Variants in PTAFR observed in about 807,000 individuals in gnomAD.
The protein encoded by PTAFR is platelet-activating factor receptor.
In PTAFR, 8 loss-of-function variants were observed where a neutral mutation model predicts 14.7. The observed-to-expected ratio is 0.54, with a 90% CI of 0.32 to 0.98. The LOEUF (loss-of-function observed/expected upper bound fraction) is 0.98. Among genes scored for constraint, PTAFR ranks in the 50% least tolerant of loss-of-function variants. PTAFR has a pLI of 0.04. For synonymous variants in PTAFR, 156 were observed against 176.5 expected (o/e 0.88, Z 0.92); for missense variants, 337 against 451.2 (o/e 0.75, Z 2.29).
At chr1:28,179,669 TAAAA>T (rs1553166024), upstream of PTAFR, among the ~76,000 whole-genome samples, 1 of 150,990 alleles carries the variant, frequency 6.6e-6, no homozygotes, top group Non-Finnish European at 1.5e-5. Context: ...TAATAATAAT[TAAAA>T]AAAGAGCCAG....
At chr1:28,174,160 G>C (rs746061160) in intron 1 of PTAFR, among the ~76,000 whole-genome samples, 3 of 152,110 alleles carry the variant, frequency 2.0e-5, no homozygotes, top group Non-Finnish European at 2.9e-5. Flanking sequence ...TCAGAGAGGG[G>C]GCTGCAGCAG....
At chr1:28,151,287 C>T (rs541959625) in intron 1 of PTAFR, among the ~76,000 whole-genome samples, 11 of 152,022 alleles carry the variant, frequency 7.2e-5, no homozygotes, top group Admixed American at 3.9e-4. Flanking sequence ...TCAAGCGATT[C>T]TCCTGCCTCA....
intron 1 of PTAFR, among the ~76,000 whole-genome samples, chr1:28,172,072 A>G (rs1214982774): frequency 1.3e-5 from 2 of 151,980 alleles, no homozygotes; most frequent in East Asian, 1.9e-4. Context: ...CTGGAGTGCA[A>G]TGATGCAATC....
At chr1:28,182,149 A>G (rs1400549450) in intron 1 of PTAFR, among the ~76,000 whole-genome samples, 2 of 151,898 alleles carry the variant, frequency 1.3e-5, no homozygotes, top group Non-Finnish European at 2.9e-5. Flanking sequence ...CAGCCTGGCC[A>G]ACATGGTGAA....
chr1:28,188,248 C>G (rs1646622478), intron 1 of PTAFR, among the ~76,000 whole-genome samples: 1 of 152,292 alleles, frequency 6.6e-6, no homozygotes. Context: ...GAGTTCGAGA[C>G]CAGCTTGGGC....
upstream of PTAFR, among the ~76,000 whole-genome samples, chr1:28,180,727 G>C (rs1453956734): frequency 6.6e-6 from 1 of 152,054 alleles, no homozygotes; most frequent in Non-Finnish European, 1.5e-5. Flanking sequence ...AGGAATTATT[G>C]ATAATAGCAT....
At chr1:28,177,842 T>A (rs745508275), upstream of PTAFR, among the ~76,000 whole-genome samples, 21 of 152,198 alleles carry the variant, frequency 1.4e-4, no homozygotes, top group Admixed American at 2.6e-4. Flanking sequence ...CATGAATCTC[T>A]GAGTGTAGGT....
intron 1 of PTAFR, among the ~76,000 whole-genome samples, chr1:28,188,264 ATCAAGACGCTGTC>A (rs1646622656): frequency 6.6e-6 from 1 of 152,112 alleles, no homozygotes; most frequent in Admixed American, 6.5e-5. Context: ...TGGGCAACGT[ATCAAGACGCTGTC>A]TCTACTAAAA....
At chr1:28,165,402 TCA>T (rs1491231499) in intron 1 of PTAFR, among the ~76,000 whole-genome samples, 3 of 31,984 alleles carry the variant, frequency 9.4e-5, no homozygotes, top group South Asian at 1.3e-3. Context: ...AGACTCTGTC[TCA>T]AAAAAAAAAA....
intron 1 of PTAFR, among the ~76,000 whole-genome samples, chr1:28,187,262 T>C (rs2149008540): frequency 6.6e-6 from 1 of 152,182 alleles, no homozygotes; most frequent in East Asian, 1.9e-4. Context: ...AGAGAGCTCA[T>C]CTATGGAAAC....
chr1:28,153,458 G>A (rs767665998), intron 1 of PTAFR, among the ~76,000 whole-genome samples: 4 of 150,964 alleles, frequency 2.6e-5, no homozygotes, highest in East Asian at 2.0e-4. Flanking sequence ...TAAAAAGAGC[G>A]CAGTAGGCCA....
intron 1 of PTAFR, among the ~76,000 whole-genome samples, chr1:28,193,122 T>C (rs1646668741): frequency 6.6e-6 from 1 of 152,086 alleles, no homozygotes; most frequent in Non-Finnish European, 1.5e-5. Context: ...GGCGGGTGCA[T>C]CTAGGGGAAG....
intron 1 of PTAFR, among the ~76,000 whole-genome samples, chr1:28,186,294 G>A (rs1288351118): frequency 1.3e-5 from 2 of 151,598 alleles, no homozygotes; most frequent in African/African-American, 2.4e-5. Flanking sequence ...CCCAAAATGT[G>A]CAAGATCTTC....
chr1:28,149,324 GC>G lies in PTAFR; in HGVS notation c.*668del, dbSNP rs1449606447. 3.6e-5 allele frequency: 4 copies of G among 112,010 alleles called. No homozygotes were observed. The allele number at this position is 112,010 out of a possible 1,614,324, so 6.9% of individuals were successfully genotyped here. A position where few individuals can be genotyped will look rare whatever the true frequency, so the allele number is the denominator to read the frequency against. ...TATCACTTGAGAGTAGTTGCCCAAA[GC>G]TTTTTTTTTTTTTTTTTTTTTTTTT... is the stretch of plus-strand genomic sequence containing the variant. On this transcript the variant is annotated 3_prime_UTR_variant, in exon 2 of 2. Coordinates refer to ENST00000373857, the MANE Select transcript of PTAFR (RefSeq NM_000952.5).
chr1:28,176,209 G>A (rs1335908499), intron 1 of PTAFR, among the ~76,000 whole-genome samples: 2 of 152,070 alleles, frequency 1.3e-5, no homozygotes, highest in Non-Finnish European at 2.9e-5. Context: ...TTGGGAGGCC[G>A]AGGCAGGCTG....
At chr1:28,153,047 C>A (rs1214591982) in intron 1 of PTAFR, among the ~76,000 whole-genome samples, 3 of 152,136 alleles carry the variant, frequency 2.0e-5, no homozygotes, top group Non-Finnish European at 4.4e-5. Flanking sequence ...GTAATCCCAG[C>A]ATTTGGGAGG....
chr1:28,151,127 C>A, intron 1 of PTAFR, 68 bp from the exon 2 acceptor site: 2 of 858,228 alleles, frequency 2.3e-6, no homozygotes, highest in Non-Finnish European at 3.6e-6. Flanking sequence ...TCATCAGTTC[C>A]AAGACTCCTT....
At chr1:28,175,716 C>T (rs1401705494) in intron 1 of PTAFR, among the ~76,000 whole-genome samples, 1 of 152,084 alleles carries the variant, frequency 6.6e-6, no homozygotes, top group Non-Finnish European at 1.5e-5. Context: ...TTATTTTCAG[C>T]ACCCCCTTCC....
At chr1:28,155,496 T>A (rs1388728806) in intron 1 of PTAFR, among the ~76,000 whole-genome samples, 2 of 151,946 alleles carry the variant, frequency 1.3e-5, no homozygotes, top group Admixed American at 1.3e-4. Context: ...GCGTGAGCCA[T>A]CTCGCCTGGC....
Sources: gnomAD v4.1 joint callset for allele counts (sites outside exome capture counted in the v4.1 genomes callset) on GRCh38, gnomAD v4.1.1 for gene constraint, MANE v1.5 for transcripts, NCBI Gene and HGNC (gene_info 2026-07-23, HGNC 2026-07-21) for gene names.